Variants in ZNF831 observed in about 807,000 individuals in gnomAD.
The protein encoded by ZNF831 is chromosome 20 open reading frame 174.
ZNF831 carries 59 observed loss-of-function variants against 95.8 expected under a neutral mutation model. The observed-to-expected ratio is 0.62, with a 90% CI of 0.50 to 0.77. The LOEUF (loss-of-function observed/expected upper bound fraction) is 0.77, where lower values mean the gene tolerates loss of function less well. Among genes scored for constraint, ZNF831 ranks in the 30% least tolerant of loss-of-function variants. ZNF831 has a pLI of 0.00. For synonymous variants in ZNF831, 961 were observed against 925.5 expected, an observed-to-expected ratio of 1.04 and a Z score of -0.70; for missense variants, 2,205 against 2,164.0, an observed-to-expected ratio of 1.02 and a Z score of -0.38.
Position 59,192,971 on chromosome 20 carries a change from G to C in ZNF831, c.1952G>C (p.Gly651Ala), listed in dbSNP as rs770156205. The C allele has an allele frequency of 1.9e-6, 3 of 1,593,308 alleles. No individual in the cohort carries two copies. ...GGKKAREVGM[G>A]SGAELGFPLQ... Reference sequence around the variant, plus strand: ...AAGAAAGCCAGGGAGGTGGGAATGGGCAGTGGGGCAGAACTGGGCTTTCCT... The same window carrying C: ...AAGAAAGCCAGGGAGGTGGGAATGGCCAGTGGGGCAGAACTGGGCTTTCCT... Residue 651 changes from glycine (G) to alanine (A), a missense_variant, in exon 2 of 6, where the codon GGC becomes GCC. Physicochemically the swap from Gly to Ala is moderately conservative, Grantham distance 60. Coordinates refer to ENST00000371030, the MANE Select transcript of ZNF831 (RefSeq NM_178457.3). This position sits in a 1 kb window ranked among gnomAD's most constrained non-coding sequence, Gnocchi z 5.2.
intron 4 of ZNF831, among the ~76,000 whole-genome samples, chr20:59,224,393 G>C (rs1047747276): frequency 4.2e-5 from 6 of 142,222 alleles, no homozygotes; most frequent in Non-Finnish European, 5.9e-5. Context: ...AGCACTGGGT[G>C]GGGGGGCGCC....
intron 2 of ZNF831, among the ~76,000 whole-genome samples, chr20:59,153,631 T>C (rs568865122): frequency 5.6e-4 from 84 of 149,286 alleles, no homozygotes; most frequent in African/African-American, 2.0e-3. Flanking sequence ...GCAAATGTGG[T>C]TGGGGGCTGG....
In ZNF831 at chr20:59,194,317, A is replaced by G. The variant is rs1303543609; in HGVS notation, c.3298A>G (p.Asn1100Asp). ...SGDVLNPWVPNWELGEPPGNA... is the reference protein window; with the variant it reads ...SGDVLNPWVPDWELGEPPGNA... ...GGATGTCCTGAATCCCTGGGTACCC[A>G]ACTGGGAGCTGGGGGAGCCTCCTGG... Residue 1100 changes from asparagine (N) to aspartate (D), a missense_variant, in exon 2 of 6, where the codon AAC (asparagine) becomes GAC (aspartate). Physicochemically the swap from Asn to Asp is conservative, Grantham distance 23. Coordinates refer to ENST00000371030, the MANE Select transcript of ZNF831 (RefSeq NM_178457.3). 1.2e-6 allele frequency: 2 copies of G among 1,613,842 alleles called. No homozygotes were observed. The highest frequency in any genetic ancestry group is 2.2e-5 in the South Asian group (2 of 91,090).
chr20:59,234,424 G>C (rs1030268518), intron 4 of ZNF831, among the ~76,000 whole-genome samples: 1 of 152,178 alleles, frequency 6.6e-6, no homozygotes, highest in African/African-American at 2.4e-5. Context: ...GGCTCTGCCC[G>C]TTAGATAGTT....
At position 59,166,187 on chromosome 20, in the gene ZNF831, A is replaced by G. The variant is rs904005667; in HGVS notation, c.-37+1980A>G. 3.3e-5 allele frequency among the ~76,000 whole-genome samples: 5 copies of G among 152,212 alleles called. No homozygotes were observed. The East Asian group carries it at 9.6e-4, about 29-fold the overall frequency. On this transcript the variant is annotated intron_variant, in intron 1 of 5. Coordinates refer to ENST00000371030, the MANE Select transcript of ZNF831 (RefSeq NM_178457.3). ...GAAAAAGTGAGTTGATATAAAGAAA[A>G]TGAAAGGAAAATGGTCTGTGCAGAG...
chr20:59,247,491 T>C (rs1218135879), intron 4 of ZNF831, among the ~76,000 whole-genome samples: 1 of 152,196 alleles, frequency 6.6e-6, no homozygotes, highest in East Asian at 1.9e-4. Flanking sequence ...TTAGGCTCAA[T>C]AACATAGGCT....
chr20:59,131,786 G>A (rs1979358995), intron 1 of ZNF831, among the ~76,000 whole-genome samples: 1 of 152,222 alleles, frequency 6.6e-6, no homozygotes, highest in Non-Finnish European at 1.5e-5. Flanking sequence ...GTGAGCCCTT[G>A]TCTCCAGGGC....
In ZNF831 at chr20:59,194,348, C is replaced by A. The variant is rs2146597999; in HGVS notation, c.3329C>A (p.Ala1110Asp). The change falls in exon 2 of 6, where the codon GCC becomes GAC. Residue 1110 changes from alanine (A) to aspartate (D), a missense_variant. Physicochemically the swap from Ala to Asp is moderately radical, Grantham distance 126. Transcript: ENST00000371030. ...NWELGEPPGN[A>D]PEDPSSGPLV... ...GAGCTGGGGGAGCCTCCTGGGAATG[C>A]CCCAGAAGATCCTTCTTCAGGGCCC... 1 of 1,612,782 alleles carries A rather than the reference C, an allele frequency of 6.2e-7. No homozygotes were observed. Among genetic ancestry groups the A allele is most frequent in the Middle Eastern group, 1.7e-4 (1 of 6,054 alleles).
chr20:59,151,529 A>G (rs1202905110), intron 2 of ZNF831, among the ~76,000 whole-genome samples: 1 of 152,192 alleles, frequency 6.6e-6, no homozygotes, highest in African/African-American at 2.4e-5. Flanking sequence ...CTCGAGGCTT[A>G]GAAAGGTAAA....
chr20:59,197,377 A>T (rs796411382), intron 3 of ZNF831, among the ~76,000 whole-genome samples: 4 of 152,240 alleles, frequency 2.6e-5, no homozygotes, highest in African/African-American at 9.6e-5. Flanking sequence ...TTTTCTCATG[A>T]GGAAATGGAG....
chr20:59,126,658 C>T (rs1468414995), intron 1 of ZNF831, among the ~76,000 whole-genome samples: 1 of 152,216 alleles, frequency 6.6e-6, no homozygotes, highest in Non-Finnish European at 1.5e-5. Flanking sequence ...CATGGCGCCC[C>T]GTTTCCATAT....
At chr20:59,220,660 A>AGGCTAGGTC (rs1198558297) in intron 4 of ZNF831, among the ~76,000 whole-genome samples, 51 of 152,208 alleles carry the variant, frequency 3.4e-4, no homozygotes, top group African/African-American at 1.2e-3. Flanking sequence ...AGGTCTCAAC[A>AGGCTAGGTC]TCTAGCTAGA....
chr20:59,160,791 G>A (rs1980805963), upstream of ZNF831: 1 of 147,238 alleles, frequency 6.8e-6, no homozygotes, highest in Non-Finnish European at 1.5e-5. Flanking sequence ...GTCTCCTCCT[G>A]GTTTTGCTGC....
intron 2 of ZNF831, among the ~76,000 whole-genome samples, chr20:59,155,153 T>C (rs1175045451): frequency 6.6e-6 from 1 of 152,220 alleles, no homozygotes; most frequent in Admixed American, 6.5e-5. Context: ...AGCTTTTTTT[T>C]CATTACAATC....
At chr20:59,226,224 T>C (rs567905226) in intron 4 of ZNF831, among the ~76,000 whole-genome samples, 2 of 152,320 alleles carry the variant, frequency 1.3e-5, no homozygotes, top group African/African-American at 4.8e-5. Context: ...GCATGGCTGC[T>C]GAACACACAG....
At chr20:59,186,378 T>TG (rs1983037863) in intron 1 of ZNF831, among the ~76,000 whole-genome samples, 1 of 151,880 alleles carries the variant, frequency 6.6e-6, no homozygotes, top group Non-Finnish European at 1.5e-5. Context: ...GAAGACAGGG[T>TG]GGGGGAGGAA....
At chr20:59,135,683 A>G (rs190270015) in intron 1 of ZNF831, among the ~76,000 whole-genome samples, 53 of 152,268 alleles carry the variant, frequency 3.5e-4, no homozygotes, top group African/African-American at 1.2e-3. Context: ...GTGAGCCGAG[A>G]CTGTGCCACT....
At chr20:59,138,650 A>G (rs1238930529) in intron 1 of ZNF831, among the ~76,000 whole-genome samples, 6 of 152,180 alleles carry the variant, frequency 3.9e-5, no homozygotes, top group African/African-American at 1.4e-4. Context: ...GACACGTGCC[A>G]TTTCTGGGCA....
chr20:59,206,482 C>T (rs1427247433), intron 3 of ZNF831, among the ~76,000 whole-genome samples: 1 of 152,234 alleles, frequency 6.6e-6, no homozygotes, highest in African/African-American at 2.4e-5. Flanking sequence ...ACACTAACTA[C>T]ATTTCAAATG....
Sources: allele counts gnomAD v4.1 joint callset (sites outside exome capture counted in the v4.1 genomes callset), GRCh38; gene constraint gnomAD v4.1.1; non-coding constraint Gnocchi (gnomAD v3.1); transcripts MANE v1.5; gene names NCBI Gene and HGNC (gene_info 2026-07-23, HGNC 2026-07-21).